BLK: variants seen among roughly 807,000 people sequenced by gnomAD.
BLK encodes the protein tyrosine-protein kinase Blk.
In BLK, 64 loss-of-function variants were observed where a neutral mutation model predicts 61.8. The ratio of observed to expected loss-of-function variants is 1.03; its 90% CI spans 0.85 to 1.27. BLK has a LOEUF of 1.27. BLK is among the 50% of genes most tolerant of loss of function. The pLI is 0.00. For synonymous variants in BLK, 351 were observed against 272.0 expected, an observed-to-expected ratio of 1.29 and a Z score of -2.86; for missense variants, 853 against 660.5, an observed-to-expected ratio of 1.29 and a Z score of -3.19.
intron 1 of BLK, among the ~76,000 whole-genome samples, chr8:11,532,580 T>C (rs1172088181): frequency 6.6e-6 from 1 of 152,186 alleles, no homozygotes; most frequent in East Asian, 1.9e-4. Flanking sequence ...TTTTTTTATG[T>C]CTTCATTTTC....
chr8:11,535,986 AG>A (rs1290416130), intron 1 of BLK, among the ~76,000 whole-genome samples: 2 of 152,246 alleles, frequency 1.3e-5, no homozygotes, highest in African/African-American at 2.4e-5. Flanking sequence ...TCCTGTTTAA[AG>A]GAAACCTAAG....
chr8:11,523,497 G>T (rs537531726), intron 1 of BLK, among the ~76,000 whole-genome samples: 2 of 152,140 alleles, frequency 1.3e-5, no homozygotes, highest in African/African-American at 2.4e-5. Context: ...AGATTGCAGT[G>T]AGCTGCGATG....
rs771224606 is a variant in BLK at position 11,548,075 on chromosome 8, T to A, written c.219T>A (p.Asn73Lys). 89 of 1,613,952 alleles carry A rather than the reference T, an allele frequency of 5.5e-5. No homozygotes were observed. The highest frequency in any genetic ancestry group is 6.9e-5 in the Non-Finnish European group (82 of 1,180,020). Residue 73 changes from asparagine to lysine, a missense_variant, in exon 4 of 13, where the codon AAT becomes AAA. Asn to Lys is a moderately conservative substitution (Grantham distance 94, BLOSUM62 0). Coordinates refer to ENST00000259089, the MANE Select transcript of BLK (RefSeq NM_001715.3). ...CTCTGTATGACTACACCGCTATGAA[T>A]GATCGGGACCTGCAGATGCTGAAGG... ...VVALYDYTAM[N>K]DRDLQMLKGE...
chr8:11,503,556 C>G (rs1446972782), intron 1 of BLK, among the ~76,000 whole-genome samples: 1 of 152,140 alleles, frequency 6.6e-6, no homozygotes, highest in Non-Finnish European at 1.5e-5. Context: ...TCAGAGAGGC[C>G]TTTGCCACCA....
intron 10 of BLK, chr8:11,561,009 T>C: frequency 1.7e-6 from 1 of 598,796 alleles, no homozygotes; most frequent in Non-Finnish European, 3.1e-6. Context: ...GCCTGTGTTC[T>C]TCTATCTTCC....
chr8:11,502,765 A>C (rs912775802), intron 1 of BLK, among the ~76,000 whole-genome samples: 1 of 152,120 alleles, frequency 6.6e-6, no homozygotes, highest in South Asian at 2.1e-4. Context: ...CCTGCAGCCA[A>C]GTGGGGACAA....
chr8:11,563,230 G>A, intron 12 of BLK, 120 bp downstream of exon 12: 2 of 1,438,176 alleles, frequency 1.4e-6, no homozygotes, highest in Non-Finnish European at 1.9e-6. Context: ...CCAGAGCGAA[G>A]ACGGAGACCC....
chr8:11,528,947 T>C lies in BLK; in HGVS notation c.-1-14277T>C, dbSNP rs931085. ...GGGGAATAACACACACTGGGGCCTA[T>C]TGGGGAGCGGGAAGGAGAGCATCAG... On this transcript the variant is annotated intron_variant, in intron 1 of 12. Transcript: ENST00000259089. Among the ~76,000 whole-genome samples, 730 of 152,136 alleles carry C rather than the reference T, an allele frequency of 4.8e-3. 3 individuals are homozygous for C. The highest frequency in any genetic ancestry group is 0.016 in the African/African-American group (650 of 41,500).
At chr8:11,548,705 C>G (rs1451643197) in intron 4 of BLK, among the ~76,000 whole-genome samples, 1 of 152,208 alleles carries the variant, frequency 6.6e-6, no homozygotes, top group Non-Finnish European at 1.5e-5. Context: ...CCACGCCAAC[C>G]GTGTTTTTCT....
chr8:11,543,459 G>T lies in BLK; in HGVS notation c.123+112G>T, dbSNP rs1463767179. 6.4e-6 allele frequency: 9 copies of T among 1,415,758 alleles called. No individual in the cohort carries two copies. In the East Asian group the frequency reaches 1.7e-4, roughly 27 times the overall value. 87.7% of individuals were successfully genotyped at this position (1,415,758 alleles called of 1,614,324 possible). ...AGTGCCTTCCTGATAGGGATGTAAC[G>T]ATCTGCAATGTATAAGCAGGTGTGC... On this transcript the variant is annotated intron_variant, in intron 2 of 12. Transcript: ENST00000259089.
At chr8:11,549,182 G>C (rs1415090644) in intron 5 of BLK, 60 bp downstream of exon 5, 3 of 1,469,758 alleles carry the variant, frequency 2.0e-6, no homozygotes, top group Non-Finnish European at 2.8e-6. Flanking sequence ...TGCTCCCTGG[G>C]CTGTTAGGCA....
chr8:11,504,199 G>A (rs1585321029), intron 1 of BLK, among the ~76,000 whole-genome samples: 2 of 152,034 alleles, frequency 1.3e-5, no homozygotes, highest in African/African-American at 4.8e-5. Context: ...GTGTGCGACT[G>A]TAATCCCAGC....
intron 1 of BLK, among the ~76,000 whole-genome samples, chr8:11,513,761 GT>G (rs1443440926): frequency 1.3e-5 from 2 of 152,182 alleles, no homozygotes; most frequent in Non-Finnish European, 2.9e-5. Context: ...CTCAGAACAG[GT>G]TGTGGACGTT....
chr8:11,547,639 G>A (rs1447763356), intron 3 of BLK, among the ~76,000 whole-genome samples: 5 of 152,222 alleles, frequency 3.3e-5, no homozygotes, highest in Non-Finnish European at 4.4e-5. Flanking sequence ...GGAGGAAAAG[G>A]ATAAGAGGAG....
chr8:11,528,717 G>A (rs1364449405), intron 1 of BLK, among the ~76,000 whole-genome samples: 1 of 152,146 alleles, frequency 6.6e-6, no homozygotes, highest in Non-Finnish European at 1.5e-5. Context: ...CGAAAACATT[G>A]GTGCTCTTAT....
rs901235103 is a variant in BLK at position 11,555,323 on chromosome 8, C to G, written c.620-9C>G. ...AACCCCCAGCCCTGTCTTTTCTTCC[C>G]TAATGCAGAGAAGGGGGATGGTCTA... On this transcript the variant is annotated splice_polypyrimidine_tract_variant and intron_variant, in intron 7 of 12. Transcript: ENST00000259089. 1.9e-6 allele frequency: 3 copies of G among 1,614,034 alleles called. No homozygotes were observed. Among genetic ancestry groups the G allele is most frequent in the Non-Finnish European group, 1.7e-6 (2 of 1,180,040 alleles).
chr8:11,555,016 C>T, intron 7 of BLK, 127 bp downstream of exon 7: 1 of 1,416,960 alleles, frequency 7.1e-7, no homozygotes, highest in Non-Finnish European at 9.5e-7. Context: ...CAAAGTTAGG[C>T]CTAAGGAGGT....
chr8:11,528,266 A>T (rs1799749796), intron 1 of BLK, among the ~76,000 whole-genome samples: 1 of 152,048 alleles, frequency 6.6e-6, no homozygotes, highest in South Asian at 2.1e-4. Flanking sequence ...AGAACTCCTG[A>T]GCTCAAGTGA....
intron 1 of BLK, among the ~76,000 whole-genome samples, chr8:11,510,538 G>A (rs77516840): frequency 1.3e-5 from 2 of 152,244 alleles, no homozygotes; most frequent in Non-Finnish European, 2.9e-5. Context: ...GTATTTTATA[G>A]GGATAGTGTC....
Sources: gnomAD v4.1 joint callset for allele counts (sites outside exome capture counted in the v4.1 genomes callset) on GRCh38, gnomAD v4.1.1 for gene constraint, MANE v1.5 for transcripts, NCBI Gene and HGNC (gene_info 2026-07-23, HGNC 2026-07-21) for gene names.